The following MAPK8IP1 variants were observed in gnomAD, a reference collection of about 807,000 sequenced individuals.
MAPK8IP1 encodes C-Jun-amino-terminal kinase-interacting protein 1.
In MAPK8IP1, 17 loss-of-function variants were observed where a neutral mutation model predicts 72.6. The observed-to-expected ratio is 0.23, with a 90% confidence interval of 0.16 to 0.35. MAPK8IP1 has a LOEUF of 0.35. MAPK8IP1 is among the 10% of genes least tolerant of loss of function. The probability of loss-of-function intolerance (pLI) is 1.00; values close to 1 mark genes in which losing one functional copy is unlikely to be tolerated. For missense variants in MAPK8IP1, 789 were observed against 1,009.7 expected (o/e 0.78, Z 2.96); for synonymous variants, 401 against 443.4 (o/e 0.90, Z 1.20).
chr11:45,892,088 G>A (rs551747168), intron 1 of MAPK8IP1, among the ~76,000 whole-genome samples: 2 of 152,176 alleles, frequency 1.3e-5, no homozygotes, highest in Non-Finnish European at 2.9e-5. Context: ...TTCAGTTTTC[G>A]TTGGAGATGA....
In MAPK8IP1 at chr11:45,903,538, C is replaced by T. The variant is rs930968925; in HGVS notation, c.1493+98C>T. ...CTACATGGCCTCAGCCTAACCCCTG[C>T]CATCAGCCTTCATTTATCCACTCAG... is the stretch of plus-strand genomic sequence containing the variant. On this transcript the variant is annotated intron_variant, in intron 6 of 11. Coordinates refer to ENST00000241014, the MANE Select transcript of MAPK8IP1 (RefSeq NM_005456.4). The surrounding 1 kb of genome is among the most constrained non-coding windows in gnomAD (Gnocchi z 6.4). The T allele has an allele frequency of 2.5e-5, 25 of 1,017,450 alleles. No individual in the cohort carries two copies. The highest frequency in any genetic ancestry group is 3.3e-5 in the Non-Finnish European group (22 of 671,966). 63.0% of individuals were successfully genotyped at this position (1,017,450 alleles called of 1,614,324 possible). A position where few individuals can be genotyped will look rare whatever the true frequency, so the allele number is the denominator to read the frequency against.
Position 45,904,043 on chromosome 11 carries a change from A to T in MAPK8IP1, c.1548A>T (p.Leu516=). 1 of 1,613,890 alleles carries T rather than the reference A, an allele frequency of 6.2e-7. No homozygotes were observed. Residue 516 remains leucine (L), a synonymous_variant, in exon 7 of 12, where the codon CTA becomes CTT. Coordinates refer to ENST00000241014, the MANE Select transcript of MAPK8IP1 (RefSeq NM_005456.4). This position sits in a 1 kb window ranked among gnomAD's most constrained non-coding sequence, Gnocchi z 6.4. ...AGCTGGAAGTGGATGACCCTCTGCT[A>T]GTGGAGCTCCAGGCTGAAGACTACT... The part of the protein sequence containing the change: ...ELELEVDDPL[L]VELQAEDYWY...
chr11:45,896,812 C>G, intron 1 of MAPK8IP1: 14 of 1,545,498 alleles, frequency 9.1e-6, no homozygotes, highest in Non-Finnish European at 1.2e-5. Flanking sequence ...GCCCTGGCCC[C>G]CCCACCCTTC....
rs2086664244 is a variant in MAPK8IP1, at chr11:45,902,584, G to A, written c.817G>A (p.Val273Met). The A allele has an allele frequency of 6.2e-7, 1 of 1,612,838 alleles. No homozygotes were observed. The highest frequency in any genetic ancestry group is 8.5e-7 in the Non-Finnish European group (1 of 1,179,904). ...AGACCGAATCCACTACCAGGCCGAT[G>A]TGCGACTAGAGGCCACTGAGGAGAT... Reference protein sequence around the residue: ...HRDRIHYQADVRLEATEEIYL... With the variant: ...HRDRIHYQADMRLEATEEIYL... Residue 273 changes from valine to methionine, a missense_variant, in exon 5 of 12, where the codon GTG becomes ATG. Around this residue, in one of 4 missense-constraint regions of MAPK8IP1, gnomAD observed 377 missense variants for 411.7 expected, o/e 0.92. Transcript: ENST00000241014. This position sits in a 1 kb window ranked among gnomAD's most constrained non-coding sequence, Gnocchi z 9.3.
chr11:45,896,638 G>C, intron 1 of MAPK8IP1: 1 of 1,377,886 alleles, frequency 7.3e-7, no homozygotes, highest in Non-Finnish European at 9.4e-7. Flanking sequence ...GCCTGCAGCT[G>C]AGGGCTGCGC....
At chr11:45,895,770 G>A (rs533313041) in intron 1 of MAPK8IP1, among the ~76,000 whole-genome samples, 1 of 151,970 alleles carries the variant, frequency 6.6e-6, no homozygotes, top group South Asian at 2.1e-4. Context: ...TGCACCACTG[G>A]CCTTCTCGGT....
Position 45,902,851 on chromosome 11 carries a change from C to T in MAPK8IP1, c.1084C>T (p.Pro362Ser). Residue 362 changes from proline (P) to serine (S), a missense_variant, in exon 5 of 12, where the codon CCT becomes TCT. Pro to Ser is a moderately conservative substitution (Grantham distance 74). Around this residue, in one of 4 missense-constraint regions of MAPK8IP1, gnomAD observed 377 missense variants for 411.7 expected, o/e 0.92. Coordinates refer to ENST00000241014, the MANE Select transcript of MAPK8IP1 (RefSeq NM_005456.4). This position sits in a 1 kb window ranked among gnomAD's most constrained non-coding sequence, Gnocchi z 9.3. The stretch of plus-strand genomic sequence containing the variant: ...GGGGAGCCTGGGGGAGCCGCCGCCA[C>T]CTCCACGGGCCTCTCTGAGCTCGGA... ...WRGSLGEPPP[P>S]PRASLSSDTS... The T allele has an allele frequency of 6.3e-7, 1 of 1,588,776 alleles. No individual in the cohort carries two copies. Among genetic ancestry groups the T allele is most frequent in the Non-Finnish European group, 8.6e-7 (1 of 1,168,334 alleles).
At chr11:45,901,588 C>T (rs963278283) in intron 3 of MAPK8IP1, among the ~76,000 whole-genome samples, 2 of 152,146 alleles carry the variant, frequency 1.3e-5, no homozygotes, top group African/African-American at 4.8e-5. Context: ...TGGATTTGAG[C>T]ATTTTCCAAG....
intron 1 of MAPK8IP1, among the ~76,000 whole-genome samples, chr11:45,887,200 G>C (rs1177283826): frequency 2.6e-5 from 4 of 152,184 alleles, no homozygotes; most frequent in African/African-American, 9.7e-5. Flanking sequence ...AGGGACCTGG[G>C]TTCAAATCCT....
At position 45,903,252 on chromosome 11, in the gene MAPK8IP1, G is replaced by C. The variant is rs1467636229; in HGVS notation, c.1417+68G>C. The C allele has an allele frequency of 1.3e-6, 2 of 1,584,858 alleles. No homozygotes were observed. Among genetic ancestry groups the C allele is most frequent in the South Asian group, 1.1e-5 (1 of 90,006 alleles). ...CGGGGGCAGAGCCAAAATGCGAAGT[G>C]TTCTGGGAGGCGACCCCAGGCCCCA... On this transcript the variant is annotated intron_variant, in intron 5 of 11. Transcript: ENST00000241014. The surrounding 1 kb of genome is among the most constrained non-coding windows in gnomAD (Gnocchi z 6.4).
At position 45,902,733 on chromosome 11, in the gene MAPK8IP1, A is replaced by C. The variant is rs1205827861; in HGVS notation, c.966A>C (p.Ala322=). ...ACCCTGCCGCCTACCCCTCCACGGC[A>C]GGGCGGCCGCACCCCTCCATCAGTG... The part of the protein sequence containing the change: ...DPDPAAYPST[A]GRPHPSISEE... Residue 322 remains alanine (A), a synonymous_variant, in exon 5 of 12, where the codon GCA becomes GCC. Coordinates refer to ENST00000241014, the MANE Select transcript of MAPK8IP1 (RefSeq NM_005456.4). The surrounding 1 kb of genome is among the most constrained non-coding windows in gnomAD (Gnocchi z 9.3). 1 of 1,605,684 alleles carries C rather than the reference A, an allele frequency of 6.2e-7. No individual in the cohort carries two copies. Among genetic ancestry groups the C allele is most frequent in the Non-Finnish European group, 8.5e-7 (1 of 1,178,918 alleles).
intron 1 of MAPK8IP1, 71 bp downstream of exon 1, chr11:45,885,992 C>A (rs2086524097): frequency 4.5e-6 from 4 of 882,416 alleles, no homozygotes; most frequent in Non-Finnish European, 6.1e-6. Flanking sequence ...CCCTGCCCGC[C>A]CCCCACCCCA....
intron 1 of MAPK8IP1, among the ~76,000 whole-genome samples, chr11:45,888,376 T>C (rs2086543300): frequency 6.6e-6 from 1 of 152,308 alleles, no homozygotes; most frequent in South Asian, 2.1e-4. Context: ...TCCCAATAAC[T>C]GTATCAACAG....
At chr11:45,895,023 C>T (rs1443737966) in intron 1 of MAPK8IP1, among the ~76,000 whole-genome samples, 1 of 152,226 alleles carries the variant, frequency 6.6e-6, no homozygotes, top group Non-Finnish European at 1.5e-5. Flanking sequence ...CACGTGCTCC[C>T]TCTGAGCACT....
intron 3 of MAPK8IP1, among the ~76,000 whole-genome samples, chr11:45,901,355 C>T (rs2086651901): frequency 6.6e-6 from 1 of 152,024 alleles, no homozygotes; most frequent in African/African-American, 2.4e-5. Flanking sequence ...GGGCTGCTGA[C>T]AACTGCATCT....
At chr11:45,887,717 C>G (rs1453478382) in intron 1 of MAPK8IP1, among the ~76,000 whole-genome samples, 2 of 152,212 alleles carry the variant, frequency 1.3e-5, no homozygotes, top group Non-Finnish European at 2.9e-5. Flanking sequence ...GCATGTGGGA[C>G]AAGGGTGGCA....
At chr11:45,895,633 AAT>A (rs71038870) in intron 1 of MAPK8IP1, among the ~76,000 whole-genome samples, 650 of 42,452 alleles carry the variant, frequency 0.015, 10 homozygotes, top group African/African-American at 0.027. Flanking sequence ...AAAAAAAAAA[AAT>A]ATATATATAT....
At chr11:45,888,027 G>A (rs182433775) in intron 1 of MAPK8IP1, among the ~76,000 whole-genome samples, 17 of 152,280 alleles carry the variant, frequency 1.1e-4, no homozygotes, top group Admixed American at 7.2e-4. Context: ...CCCTGACACT[G>A]GGCACTTAAG....
At chr11:45,896,390 A>C (rs1257405029) in intron 1 of MAPK8IP1, among the ~76,000 whole-genome samples, 1 of 152,172 alleles carries the variant, frequency 6.6e-6, no homozygotes, top group East Asian at 1.9e-4. Context: ...CCCACCTGGC[A>C]CCCTGACTGG....
Sources: allele counts gnomAD v4.1 joint callset (sites outside exome capture counted in the v4.1 genomes callset), GRCh38; gene constraint gnomAD v4.1.1; regional missense constraint gnomAD v4.1.1; non-coding constraint Gnocchi (gnomAD v3.1); transcripts MANE v1.5; gene names NCBI Gene and HGNC (gene_info 2026-07-23, HGNC 2026-07-21).